The following TENM3 variants were observed in gnomAD, a reference collection of about 807,000 sequenced individuals.
TENM3 encodes the protein teneurin transmembrane protein 3, also known as teneurin-3.
A neutral mutation model predicts 255.1 loss-of-function variants in TENM3; 63 were observed. That is an observed-to-expected ratio of 0.25 (90% CI 0.20 to 0.30). TENM3 has a LOEUF of 0.30. Ranked by LOEUF, TENM3 falls within the 10% of genes least tolerant of loss-of-function variation. The pLI, the probability that TENM3 is intolerant of heterozygous loss-of-function variation, is 1.00. For missense variants in TENM3, 2,929 were observed against 3,461.1 expected, an observed-to-expected ratio of 0.85 and a Z score of 3.86; for synonymous variants, 1,306 against 1,322.3, an observed-to-expected ratio of 0.99 and a Z score of 0.27.
chr4:182,787,470 G>A (rs1448719929), intron 24 of TENM3, among the ~76,000 whole-genome samples: 4 of 151,960 alleles, frequency 2.6e-5, no homozygotes, highest in South Asian at 2.1e-4. Flanking sequence ...TCGGTGGCTC[G>A]TGCCTGTAAT....
the TENM3 span, among the ~76,000 whole-genome samples, chr4:181,653,884 C>A: frequency 1.3e-5 from 2 of 151,784 alleles, no homozygotes; most frequent in African/African-American, 2.4e-5. Context: ...CAGCAACAGA[C>A]CCCGGTGTGT....
chr4:182,352,879 G>T (rs1245153647), intron 3 of TENM3, among the ~76,000 whole-genome samples: 3 of 151,892 alleles, frequency 2.0e-5, no homozygotes, highest in Non-Finnish European at 4.4e-5. Context: ...AGATTTTCTT[G>T]TCAAGCAGAA....
At chr4:182,601,689 C>G (rs2152413908) in intron 4 of TENM3, among the ~76,000 whole-genome samples, 1 of 152,314 alleles carries the variant, frequency 6.6e-6, no homozygotes, top group Non-Finnish European at 1.5e-5. Context: ...ATAGGACCTA[C>G]TCTCTAAAGT....
the TENM3 span, among the ~76,000 whole-genome samples, chr4:181,561,866 T>G: frequency 0.29 from 44,091 of 151,970 alleles, 7,030 homozygotes; most frequent in Middle Eastern, 0.44. Context: ...GATACATGTT[T>G]TCGGATAACC....
chr4:181,951,384 C>T, the TENM3 span, among the ~76,000 whole-genome samples: 1 of 152,168 alleles, frequency 6.6e-6, no homozygotes, highest in African/African-American at 2.4e-5. Flanking sequence ...GTGCTAGAAA[C>T]AGGAGCTTTA....
the TENM3 span, among the ~76,000 whole-genome samples, chr4:181,641,805 C>CATATATATAT: frequency 3.8e-4 from 12 of 31,440 alleles, no homozygotes; most frequent in East Asian, 1.5e-3. Flanking sequence ...ACACACACAC[C>CATATATATAT]ATATATATAT....
the TENM3 span, among the ~76,000 whole-genome samples, chr4:181,965,581 A>G: frequency 6.6e-6 from 1 of 152,120 alleles, no homozygotes; most frequent in African/African-American, 2.4e-5. Context: ...CCATTCTCCA[A>G]CCTTACCCCC....
the TENM3 span, among the ~76,000 whole-genome samples, chr4:181,681,879 G>A: frequency 6.6e-6 from 1 of 152,064 alleles, no homozygotes; most frequent in Non-Finnish European, 1.5e-5. Context: ...GTTAATCAGT[G>A]TTCCTAAAAT....
At chr4:182,391,204 C>T (rs1308692313) in intron 3 of TENM3, among the ~76,000 whole-genome samples, 3 of 152,082 alleles carry the variant, frequency 2.0e-5, no homozygotes, top group Non-Finnish European at 2.9e-5. Context: ...ATTATTTGAT[C>T]CGCCTGTGTA....
chr4:182,212,795 C>G (rs1755143359), intron 1 of TENM3, among the ~76,000 whole-genome samples: 1 of 152,152 alleles, frequency 6.6e-6, no homozygotes, highest in African/African-American at 2.4e-5. Flanking sequence ...AAAGATAGAA[C>G]GAGTGGTGCA....
chr4:182,616,521 AT>A (rs1266194429), intron 4 of TENM3, among the ~76,000 whole-genome samples: 31 of 75,346 alleles, frequency 4.1e-4, no homozygotes, highest in African/African-American at 1.1e-3. Context: ...TTAAAGTATA[AT>A]AAAAAAAAAA....
At chr4:181,550,254 T>A in the TENM3 span, among the ~76,000 whole-genome samples, 9 of 152,224 alleles carry the variant, frequency 5.9e-5, no homozygotes, top group Admixed American at 2.0e-4. Flanking sequence ...TGGAATCAAA[T>A]TATTTTCTTT....
the TENM3 span, among the ~76,000 whole-genome samples, chr4:182,014,162 A>ATATATATATATATGTGTGTG: frequency 6.8e-6 from 1 of 147,634 alleles, no homozygotes; most frequent in Non-Finnish European, 1.5e-5. Flanking sequence ...ATATATATAC[A>ATATATATATATATGTGTGTG]TATATATACA....
chr4:181,692,337 A>G, the TENM3 span, among the ~76,000 whole-genome samples: 1 of 152,204 alleles, frequency 6.6e-6, no homozygotes. Context: ...TCCAAGTCTA[A>G]GAGGCTAAAG....
the TENM3 span, among the ~76,000 whole-genome samples, chr4:181,775,614 C>T: frequency 0.063 from 9,554 of 152,108 alleles, 300 homozygotes; most frequent in Middle Eastern, 0.12. Flanking sequence ...GAAGTAAAGA[C>T]ACAGTCTGAC....
chr4:182,490,999 CATATCTACT>C (rs1735245510), intron 3 of TENM3, among the ~76,000 whole-genome samples: 1 of 152,176 alleles, frequency 6.6e-6, no homozygotes, highest in Non-Finnish European at 1.5e-5. Flanking sequence ...CATAGTACTT[CATATCTACT>C]ATTTCAGAAC....
At chr4:182,158,429 T>C (rs1478022717) in intron 1 of TENM3, among the ~76,000 whole-genome samples, 1 of 152,124 alleles carries the variant, frequency 6.6e-6, no homozygotes, top group Non-Finnish European at 1.5e-5. Context: ...GCAGTAGGTC[T>C]CCAGCAGAGG....
intron 3 of TENM3, among the ~76,000 whole-genome samples, chr4:182,382,892 C>T (rs544233020): frequency 6.6e-6 from 1 of 152,320 alleles, no homozygotes; most frequent in South Asian, 2.1e-4. Flanking sequence ...GATGTTCAGG[C>T]TGATCACCCT....
the TENM3 span, among the ~76,000 whole-genome samples, chr4:181,965,568 A>C: frequency 6.6e-6 from 1 of 152,162 alleles, no homozygotes; most frequent in Non-Finnish European, 1.5e-5. Flanking sequence ...TAAGACCACC[A>C]TGCCATTCTC....
Sources: gnomAD v4.1 joint callset for allele counts (sites outside exome capture counted in the v4.1 genomes callset) on GRCh38, gnomAD v4.1.1 for gene constraint, MANE v1.5 for transcripts, NCBI Gene and HGNC (gene_info 2026-07-23, HGNC 2026-07-21) for gene names.